Variants in KDM4A observed in about 807,000 individuals in gnomAD.
KDM4A encodes the protein lysine demethylase 4A.
In KDM4A, 23 loss-of-function variants were observed where a neutral mutation model predicts 127.1. The observed-to-expected ratio is 0.18, with a 90% CI of 0.13 to 0.26. KDM4A has a LOEUF of 0.26. Ranked by LOEUF, KDM4A falls within the 10% of genes least tolerant of loss-of-function variation. The pLI is 1.00. For missense variants in KDM4A, 890 were observed against 1,329.1 expected, an observed-to-expected ratio of 0.67 and a Z score of 5.14; for synonymous variants, 443 against 466.5, an observed-to-expected ratio of 0.95 and a Z score of 0.65.
chr1:43,692,681 C>T (rs983023510), intron 16 of KDM4A, among the ~76,000 whole-genome samples: 4 of 152,168 alleles, frequency 2.6e-5, no homozygotes, highest in Non-Finnish European at 4.4e-5. Context: ...CACAGGCTAG[C>T]AAGCACTTCT....
intron 11 of KDM4A, among the ~76,000 whole-genome samples, chr1:43,675,423 G>T (rs1660719182): frequency 6.6e-6 from 1 of 152,188 alleles, no homozygotes; most frequent in African/African-American, 2.4e-5. Flanking sequence ...TAGAGTTCTG[G>T]ACTGCCTGAG....
intron 19 of KDM4A, among the ~76,000 whole-genome samples, chr1:43,703,003 C>T (rs1439876100): frequency 6.6e-6 from 1 of 151,474 alleles, no homozygotes; most frequent in Admixed American, 6.6e-5. Flanking sequence ...TGTATTCCAG[C>T]GTGATCTCAG....
chr1:43,694,595 A>G lies in KDM4A; in HGVS notation c.2485-114A>G. On this transcript the variant is annotated intron_variant, in intron 17 of 21. Coordinates refer to ENST00000372396, the MANE Select transcript of KDM4A (RefSeq NM_014663.3). This position sits in a 1 kb window ranked among gnomAD's most constrained non-coding sequence, Gnocchi z 5.2. ...TTAGAGCAGGCTGGTGTGTCCTTGT[A>G]TTTTGGGAAGGGGCTGGCTCTTGCT... The G allele has an allele frequency of 1.2e-6, 1 of 839,122 alleles. No homozygotes were observed. 52.0% of individuals were successfully genotyped at this position (839,122 alleles called of 1,614,324 possible). A position where few individuals can be genotyped will look rare whatever the true frequency, so the allele number is the denominator to read the frequency against.
intron 9 of KDM4A, among the ~76,000 whole-genome samples, chr1:43,668,443 C>G (rs923180425): frequency 1.3e-5 from 2 of 152,118 alleles, no homozygotes; most frequent in African/African-American, 4.8e-5. Flanking sequence ...TTCTAAGATG[C>G]CGTTTGTGCC....
At position 43,704,244 on chromosome 1, in the gene KDM4A, C is replaced by A. The variant is rs1661486971; in HGVS notation, c.3069C>A (p.Asp1023Glu). The A allele has an allele frequency of 1.2e-6, 2 of 1,613,974 alleles. No homozygotes were observed. The highest frequency in any genetic ancestry group is 1.7e-6 in the Non-Finnish European group (2 of 1,180,014). ...RVKSRLSVAS[D>E]MRFNEIFTEK... is the part of the protein sequence containing the mutation. ...TTCTTCTATAGTCAGTAGCCTCAGA[C>A]ATGCGCTTCAATGAGATTTTCACAG... The change falls in exon 22 of 22, where the codon GAC becomes GAA. Residue 1023 changes from aspartate to glutamate, a missense_variant. Physicochemically the swap from Asp to Glu is conservative, Grantham distance 45. Around this residue, in one of 7 missense-constraint regions of KDM4A, gnomAD observed 246 missense variants for 418.4 expected, o/e 0.59. Transcript: ENST00000372396.
intron 11 of KDM4A, among the ~76,000 whole-genome samples, chr1:43,673,807 C>T (rs1165259563): frequency 6.6e-6 from 1 of 152,238 alleles, no homozygotes; most frequent in African/African-American, 2.4e-5. Flanking sequence ...CCATTTCATC[C>T]ATCCTACTGT....
chr1:43,693,361 T>C lies in KDM4A; in HGVS notation c.2376-633T>C, dbSNP rs924657030. 5.3e-5 allele frequency among the ~76,000 whole-genome samples: 8 copies of C among 152,242 alleles called. No individual in the cohort carries two copies. Among genetic ancestry groups the C allele is most frequent in the Non-Finnish European group, 1.0e-4 (7 of 68,048 alleles). On this transcript the variant is annotated intron_variant, in intron 16 of 21. Coordinates refer to ENST00000372396, the MANE Select transcript of KDM4A (RefSeq NM_014663.3). This position sits in a 1 kb window ranked among gnomAD's most constrained non-coding sequence, Gnocchi z 4.2. ...TTTCACGTAGCATGGTTTTAAGAGT[T>C]GTCACCATTTTCGTTCTTCTCCTCT...
chr1:43,656,630 T>C, intron 3 of KDM4A, among the ~76,000 whole-genome samples: 1 of 151,140 alleles, frequency 6.6e-6, no homozygotes, highest in Non-Finnish European at 1.5e-5. Flanking sequence ...GAGCCACCAC[T>C]CCTGGCCCTT....
Position 43,694,897 on chromosome 1 carries a change from G to C in KDM4A, c.2670+3G>C. The C allele has an allele frequency of 3.1e-6, 5 of 1,589,446 alleles. No individual in the cohort carries two copies. The South Asian group carries it at 4.4e-5, about 14-fold the overall frequency. Reference sequence around the variant, plus strand: ...GGCACAAGATTCCTAATTTGGAGGTGAGAGAGGGTGTCATTCTAGAATCCT... The same window carrying C: ...GGCACAAGATTCCTAATTTGGAGGTCAGAGAGGGTGTCATTCTAGAATCCT... On this transcript the variant is annotated splice_donor_region_variant and intron_variant, in intron 18 of 21. Coordinates refer to ENST00000372396, the MANE Select transcript of KDM4A (RefSeq NM_014663.3). The surrounding 1 kb of genome is among the most constrained non-coding windows in gnomAD (Gnocchi z 5.2).
chr1:43,678,587 GTTTTT>G (rs35182358), intron 11 of KDM4A, among the ~76,000 whole-genome samples: 4 of 134,494 alleles, frequency 3.0e-5, no homozygotes, highest in African/African-American at 1.1e-4. Context: ...CTGCAGATAG[GTTTTT>G]TTTTTTTTTT....
intron 10 of KDM4A, among the ~76,000 whole-genome samples, chr1:43,669,709 C>T (rs551688752): frequency 1.2e-4 from 18 of 148,382 alleles, no homozygotes; most frequent in African/African-American, 4.5e-4. Context: ...AGTGCAGGGG[C>T]GCAATCTTGG....
At chr1:43,673,587 T>C (rs1265099970) in intron 11 of KDM4A, among the ~76,000 whole-genome samples, 1 of 152,206 alleles carries the variant, frequency 6.6e-6, no homozygotes, top group African/African-American at 2.4e-5. Flanking sequence ...AGACTTCTTT[T>C]TACCTTGTGA....
intron 11 of KDM4A, among the ~76,000 whole-genome samples, chr1:43,680,188 T>C (rs1660826944): frequency 1.3e-5 from 2 of 152,168 alleles, no homozygotes; most frequent in African/African-American, 4.8e-5. Flanking sequence ...TGGACCTGAC[T>C]ACTTTGGTCA....
chr1:43,659,520 T>C (rs973964221), intron 3 of KDM4A, among the ~76,000 whole-genome samples: 3 of 152,126 alleles, frequency 2.0e-5, no homozygotes, highest in African/African-American at 4.8e-5. Flanking sequence ...GGTTTCACCA[T>C]GTTGGCCAGG....
intron 3 of KDM4A, among the ~76,000 whole-genome samples, chr1:43,656,809 T>C (rs1050549065): frequency 4.0e-5 from 6 of 151,170 alleles, no homozygotes; most frequent in Admixed American, 4.0e-4. Context: ...CACTGCAACC[T>C]CCACCTCCCG....
chr1:43,688,471 TTTCC>T lies in KDM4A; in HGVS notation c.1856-436_1856-433del. The stretch of plus-strand genomic sequence containing the variant: ...TTAAGCTTTGCCAATTCCCTGTTAT[TTTCC>T]TTCCTTGTTTAGTTGCACTAAAGGG... On this transcript the variant is annotated intron_variant, in intron 12 of 21. Transcript: ENST00000372396. This position sits in a 1 kb window ranked among gnomAD's most constrained non-coding sequence, Gnocchi z 4.4. 6.6e-6 allele frequency among the ~76,000 whole-genome samples: 1 copy of T among 152,186 alleles called. No individual in the cohort carries two copies. Among genetic ancestry groups the T allele is most frequent in the Non-Finnish European group, 1.5e-5 (1 of 68,028 alleles).
intron 14 of KDM4A, 139 bp downstream of exon 14, chr1:43,691,188 T>C (rs1661101328): frequency 2.3e-6 from 2 of 877,308 alleles, no homozygotes; most frequent in South Asian, 3.0e-5. Flanking sequence ...AGCTGATTTT[T>C]CACTGTCTCC....
intron 11 of KDM4A, among the ~76,000 whole-genome samples, chr1:43,675,028 A>G (rs1244476935): frequency 3.3e-5 from 5 of 152,072 alleles, no homozygotes; most frequent in Non-Finnish European, 7.4e-5. Flanking sequence ...TCTCTCTGAC[A>G]TGTCTCTCTT....
At chr1:43,652,558 A>G (rs1328591422) in intron 1 of KDM4A, among the ~76,000 whole-genome samples, 1 of 151,912 alleles carries the variant, frequency 6.6e-6, no homozygotes, top group East Asian at 1.9e-4. Flanking sequence ...TATGTTGCCC[A>G]GGCTGGTCTC....
Sources: allele counts gnomAD v4.1 joint callset (sites outside exome capture counted in the v4.1 genomes callset), GRCh38; gene constraint gnomAD v4.1.1; regional missense constraint gnomAD v4.1.1; non-coding constraint Gnocchi (gnomAD v3.1); transcripts MANE v1.5; gene names NCBI Gene and HGNC (gene_info 2026-07-23, HGNC 2026-07-21).